The following DPP10 variants were observed in gnomAD, a reference collection of about 807,000 sequenced individuals.
DPP10 encodes the protein dipeptidyl peptidase like 10.
DPP10 carries 33 observed loss-of-function variants against 120.9 expected under a neutral mutation model. That is an observed-to-expected ratio of 0.27 (90% CI 0.21 to 0.37). The LOEUF (loss-of-function observed/expected upper bound fraction) is 0.37, where lower values mean the gene tolerates loss of function less well. Among genes scored for constraint, DPP10 ranks in the 10% least tolerant of loss-of-function variants. DPP10 has a pLI of 1.00. For synonymous variants in DPP10, 337 were observed against 326.1 expected (o/e 1.03, Z -0.36); for missense variants, 816 against 942.8 (o/e 0.87, Z 1.76).
At chr2:115,758,395 A>G (rs1178641480) in intron 11 of DPP10, among the ~76,000 whole-genome samples, 4 of 152,140 alleles carry the variant, frequency 2.6e-5, no homozygotes, top group Admixed American at 2.6e-4. Flanking sequence ...AAACTTAACA[A>G]ATATTGTGAA....
intron 5 of DPP10, among the ~76,000 whole-genome samples, chr2:115,666,860 T>G (rs1042799607): frequency 1.3e-5 from 2 of 152,190 alleles, no homozygotes; most frequent in African/African-American, 4.8e-5. Flanking sequence ...TGAACTCAAT[T>G]ACATTCTTAC....
chr2:114,456,987 G>A (rs943872881), intron 1 of DPP10, among the ~76,000 whole-genome samples: 2 of 152,186 alleles, frequency 1.3e-5, no homozygotes, highest in African/African-American at 4.8e-5. Context: ...GTTAATAAAA[G>A]TGATGCTATC....
At chr2:115,221,789 A>G (rs1261881564) in intron 1 of DPP10, among the ~76,000 whole-genome samples, 5 of 137,778 alleles carry the variant, frequency 3.6e-5, no homozygotes, top group African/African-American at 1.4e-4. Flanking sequence ...TCTATGAGCT[A>G]AGAGAAAACC....
At chr2:115,376,984 C>G (rs1362453368) in intron 3 of DPP10, among the ~76,000 whole-genome samples, 1 of 148,910 alleles carries the variant, frequency 6.7e-6, no homozygotes, top group Non-Finnish European at 1.5e-5. Flanking sequence ...CAAGTCTTTG[C>G]TATTGTGAAT....
chr2:115,430,146 T>G (rs892035954), intron 3 of DPP10, among the ~76,000 whole-genome samples: 1 of 152,124 alleles, frequency 6.6e-6, no homozygotes, highest in Admixed American at 6.6e-5. Context: ...TTGGAACCGA[T>G]TTAAGATTTT....
At chr2:115,116,434 T>A (rs1333979985) in intron 1 of DPP10, among the ~76,000 whole-genome samples, 1 of 152,200 alleles carries the variant, frequency 6.6e-6, no homozygotes, top group Admixed American at 6.5e-5. Context: ...TTGAGAGTCA[T>A]CAAGGTTATG....
intron 1 of DPP10, among the ~76,000 whole-genome samples, chr2:114,581,753 T>C (rs560466395): frequency 1.3e-5 from 2 of 152,344 alleles, no homozygotes; most frequent in East Asian, 3.9e-4. Flanking sequence ...GATTTACTTA[T>C]TTTAAAAATG....
At chr2:115,385,351 C>CTTTT (rs563049219) in intron 3 of DPP10, among the ~76,000 whole-genome samples, 3 of 142,904 alleles carry the variant, frequency 2.1e-5, no homozygotes, top group Non-Finnish European at 4.6e-5. Flanking sequence ...TTCTGTCTTT[C>CTTTT]TTTTTTTTTT....
chr2:114,529,848 T>C (rs1685814739), intron 1 of DPP10, among the ~76,000 whole-genome samples: 1 of 152,080 alleles, frequency 6.6e-6, no homozygotes, highest in African/African-American at 2.4e-5. Flanking sequence ...TCCCTCCCTC[T>C]GTCCTCTGAT....
chr2:115,203,398 A>C (rs1198799624), intron 1 of DPP10, among the ~76,000 whole-genome samples: 4 of 152,136 alleles, frequency 2.6e-5, no homozygotes, highest in Non-Finnish European at 1.5e-5. Flanking sequence ...AGATGGGAAG[A>C]TGTTAGATAA....
intron 1 of DPP10, among the ~76,000 whole-genome samples, chr2:115,015,272 G>A (rs1702553269): frequency 6.6e-6 from 1 of 152,148 alleles, no homozygotes; most frequent in South Asian, 2.1e-4. Flanking sequence ...TTCAATAGAT[G>A]CAGAAAAGGC....
At chr2:114,727,560 A>G (rs1331289847) in intron 1 of DPP10, among the ~76,000 whole-genome samples, 1 of 152,194 alleles carries the variant, frequency 6.6e-6, no homozygotes, top group African/African-American at 2.4e-5. Context: ...ACTGGCCTCC[A>G]TTGGCTTTGC....
intron 21 of DPP10, among the ~76,000 whole-genome samples, chr2:115,821,949 C>A (rs1231090003): frequency 6.6e-6 from 1 of 151,864 alleles, no homozygotes; most frequent in Non-Finnish European, 1.5e-5. Flanking sequence ...AATTTCCATA[C>A]TCTTTTGAAA....
At chr2:115,236,158 G>A (rs1464300801) in intron 1 of DPP10, among the ~76,000 whole-genome samples, 1 of 152,162 alleles carries the variant, frequency 6.6e-6, no homozygotes, top group East Asian at 1.9e-4. Flanking sequence ...GTGTCTGACA[G>A]TATGCTATAC....
chr2:114,626,279 C>A (rs1205520460), intron 1 of DPP10, among the ~76,000 whole-genome samples: 2 of 151,862 alleles, frequency 1.3e-5, no homozygotes, highest in African/African-American at 4.8e-5. Context: ...GGGTATATCT[C>A]AGTGTAGATA....
intron 1 of DPP10, among the ~76,000 whole-genome samples, chr2:114,783,870 A>G (rs1438394557): frequency 6.6e-6 from 1 of 151,254 alleles, no homozygotes; most frequent in Non-Finnish European, 1.5e-5. Flanking sequence ...TCCCCATCCT[A>G]CCTCTTGCTC....
chr2:115,501,989 A>G (rs1303309940), intron 4 of DPP10, among the ~76,000 whole-genome samples: 1 of 152,112 alleles, frequency 6.6e-6, no homozygotes, highest in East Asian at 1.9e-4. Context: ...AAATGAAAGC[A>G]TGACAAGTCA....
intron 1 of DPP10, among the ~76,000 whole-genome samples, chr2:114,516,659 G>A (rs1221830713): frequency 2.0e-5 from 3 of 152,104 alleles, no homozygotes; most frequent in Non-Finnish European, 4.4e-5. Context: ...TATTCAAATG[G>A]TTTGCTTTTA....
At chr2:115,540,706 T>C (rs1380727378) in intron 5 of DPP10, among the ~76,000 whole-genome samples, 1 of 151,892 alleles carries the variant, frequency 6.6e-6, no homozygotes, top group African/African-American at 2.4e-5. Flanking sequence ...TCATCATATT[T>C]TCTTTCTGGA....
Sources: allele counts gnomAD v4.1 joint callset (sites outside exome capture counted in the v4.1 genomes callset), GRCh38; gene constraint gnomAD v4.1.1; transcripts MANE v1.5; gene names NCBI Gene and HGNC (gene_info 2026-07-23, HGNC 2026-07-21).